The following ERC2 variants were observed in gnomAD, a reference collection of about 807,000 sequenced individuals.
ERC2 encodes the protein ELKS/RAB6-interacting/CAST family member 2.
In ERC2, 42 loss-of-function variants were observed where a neutral mutation model predicts 114.8. The ratio of observed to expected loss-of-function variants is 0.37; its 90% CI spans 0.29 to 0.47. The LOEUF (loss-of-function observed/expected upper bound fraction) is 0.47. Among genes scored for constraint, ERC2 ranks in the 20% least tolerant of loss-of-function variants. ERC2 has a pLI of 0.99. For synonymous variants in ERC2, 454 were observed against 425.5 expected (o/e 1.07, Z -0.82); for missense variants, 939 against 1,150.7 (o/e 0.82, Z 2.66).
chr3:55,615,851 G>A (rs1018799027), intron 17 of ERC2, among the ~76,000 whole-genome samples: 9 of 152,178 alleles, frequency 5.9e-5, no homozygotes, highest in East Asian at 1.9e-4. Flanking sequence ...ACTGCCTGCC[G>A]AGCCATTTGG....
rs192507257 is a variant in ERC2, at chr3:55,686,968, C to T, written c.2848-3109G>A. On this transcript the variant is annotated intron_variant, in intron 16 of 17. Coordinates refer to ENST00000288221, the MANE Select transcript of ERC2 (RefSeq NM_015576.3). ...CAGAGAGCACAGTGACCACAAAACCCAGCAAATTCTGAAGGGGAGGAGGTT... is the reference window on the plus strand; with the variant it reads ...CAGAGAGCACAGTGACCACAAAACCTAGCAAATTCTGAAGGGGAGGAGGTT... Among the ~76,000 whole-genome samples the T allele has an allele frequency of 7.9e-5, 12 of 152,284 alleles. No individual in the cohort carries two copies. The East Asian group carries it at 2.3e-3, about 29-fold the overall frequency.
At chr3:56,149,814 T>G (rs1226293874) in intron 4 of ERC2, among the ~76,000 whole-genome samples, 1 of 152,148 alleles carries the variant, frequency 6.6e-6, no homozygotes, top group African/African-American at 2.4e-5. Context: ...TTCAACCTAT[T>G]GATTTATGGA....
chr3:56,131,254 C>T (rs934216474), intron 6 of ERC2, among the ~76,000 whole-genome samples: 3 of 151,994 alleles, frequency 2.0e-5, no homozygotes, highest in East Asian at 1.9e-4. Context: ...AAGCCTTTCC[C>T]GTCAAATAAA....
intron 7 of ERC2, among the ~76,000 whole-genome samples, chr3:56,033,400 A>G (rs2074601296): frequency 6.6e-6 from 1 of 152,244 alleles, no homozygotes; most frequent in Non-Finnish European, 1.5e-5. Flanking sequence ...TTACCTTTAC[A>G]GTGAGTTTTA....
At chr3:56,442,227 T>A (rs191533971) in intron 1 of ERC2, among the ~76,000 whole-genome samples, 2 of 152,234 alleles carry the variant, frequency 1.3e-5, no homozygotes, top group Non-Finnish European at 2.9e-5. Flanking sequence ...AGTATTTTTT[T>A]ATTTATTTTT....
chr3:56,253,337 T>C lies in ERC2; in HGVS notation c.1074+42682A>G, dbSNP rs1000836756. ...CCTATTTAGAAAATTTTAAGTTTTCTCTTATTTAAAAAAGTTTTACCTTAT... is the reference window on the plus strand; with the variant it reads ...CCTATTTAGAAAATTTTAAGTTTTCCCTTATTTAAAAAAGTTTTACCTTAT... On this transcript the variant is annotated intron_variant, in intron 3 of 17. Transcript: ENST00000288221. Among the ~76,000 whole-genome samples, 25 of 152,240 alleles carry C rather than the reference T, an allele frequency of 1.6e-4. 1 individual carries two copies. Among genetic ancestry groups the C allele is most frequent in the Admixed American group, 1.4e-3 (21 of 15,284 alleles).
chr3:56,050,603 C>T (rs2075718308), intron 7 of ERC2, among the ~76,000 whole-genome samples: 1 of 152,198 alleles, frequency 6.6e-6, no homozygotes, highest in Admixed American at 6.5e-5. Context: ...GCTCAGCAAA[C>T]ACCTTGTCTT....
intron 12 of ERC2, among the ~76,000 whole-genome samples, chr3:55,951,340 G>C (rs2067486993): frequency 6.6e-6 from 1 of 152,082 alleles, no homozygotes; most frequent in South Asian, 2.1e-4. Context: ...TCATCACTTA[G>C]CTCAAACACA....
chr3:56,150,075 G>A (rs543147234), intron 4 of ERC2, among the ~76,000 whole-genome samples: 119 of 152,298 alleles, frequency 7.8e-4, no homozygotes, highest in African/African-American at 2.7e-3. Flanking sequence ...AGTTTTCTCA[G>A]TGTCCCATCT....
chr3:55,640,555 T>C (rs536670357), intron 17 of ERC2, among the ~76,000 whole-genome samples: 15 of 152,168 alleles, frequency 9.9e-5, no homozygotes, highest in South Asian at 4.2e-4. Flanking sequence ...CCCCTAGAGA[T>C]TGAGAAAGAG....
intron 17 of ERC2, among the ~76,000 whole-genome samples, chr3:55,653,973 T>C (rs1244783754): frequency 3.3e-5 from 5 of 152,182 alleles, no homozygotes; most frequent in Non-Finnish European, 7.4e-5. Flanking sequence ...CTCCCTCCTC[T>C]TCCTCCTCAT....
chr3:56,255,955 T>C (rs2052486532), intron 3 of ERC2, among the ~76,000 whole-genome samples: 1 of 152,320 alleles, frequency 6.6e-6, no homozygotes, highest in African/African-American at 2.4e-5. Context: ...CCCAGGTACA[T>C]GGTAAGCTCA....
At chr3:55,575,034 G>A (rs1287364404) in intron 17 of ERC2, among the ~76,000 whole-genome samples, 1 of 152,058 alleles carries the variant, frequency 6.6e-6, no homozygotes, top group Non-Finnish European at 1.5e-5. Context: ...TTTTTTCTGA[G>A]ACGGAATGTT....
intron 17 of ERC2, among the ~76,000 whole-genome samples, chr3:55,677,431 A>G (rs2061863040): frequency 6.6e-6 from 1 of 152,148 alleles, no homozygotes; most frequent in African/African-American, 2.4e-5. Context: ...CAACCCCAGT[A>G]TCAACCACTT....
chr3:55,634,442 G>A (rs815460), intron 17 of ERC2, among the ~76,000 whole-genome samples: 85,213 of 151,866 alleles, frequency 0.56, 25,019 homozygotes, highest in Non-Finnish European at 0.65. Context: ...ACATAATCCT[G>A]GCTGAGATTC....
intron 13 of ERC2, among the ~76,000 whole-genome samples, chr3:55,908,627 G>A (rs571760111): frequency 2.0e-5 from 3 of 152,218 alleles, no homozygotes; most frequent in Non-Finnish European, 2.9e-5. Flanking sequence ...GCAGCTGGCC[G>A]GTCACTCTCT....
At chr3:56,043,701 C>G (rs2075316703) in intron 7 of ERC2, among the ~76,000 whole-genome samples, 1 of 152,028 alleles carries the variant, frequency 6.6e-6, no homozygotes, top group African/African-American at 2.4e-5. Context: ...CATTTTCTAC[C>G]CTCTAACTCT....
At chr3:55,669,035 A>C (rs1394440046) in intron 17 of ERC2, among the ~76,000 whole-genome samples, 1 of 152,220 alleles carries the variant, frequency 6.6e-6, no homozygotes. Context: ...AATCTGAATA[A>C]TTTGTAGGCA....
intron 2 of ERC2, among the ~76,000 whole-genome samples, chr3:56,348,370 C>T (rs1268983053): frequency 6.6e-6 from 1 of 152,076 alleles, no homozygotes; most frequent in Non-Finnish European, 1.5e-5. Context: ...CAACTACATT[C>T]AGCCTCAAAG....
Sources: gnomAD v4.1 joint callset for allele counts (sites outside exome capture counted in the v4.1 genomes callset) on GRCh38, gnomAD v4.1.1 for gene constraint, MANE v1.5 for transcripts, NCBI Gene and HGNC (gene_info 2026-07-23, HGNC 2026-07-21) for gene names.